The following NINJ2 variants were observed in gnomAD, a reference collection of about 807,000 sequenced individuals.
The protein encoded by NINJ2 is ninjurin-2.
NINJ2 carries 12 observed loss-of-function variants against 11.7 expected under a neutral mutation model. The ratio of observed to expected loss-of-function variants is 1.02; its 90% confidence interval spans 0.66 to 1.66. The LOEUF is 1.66. Ranked by LOEUF, NINJ2 falls within the 40% of genes most tolerant of loss-of-function variation. The pLI, the probability that NINJ2 is intolerant of heterozygous loss-of-function variation, is 0.00. For synonymous variants in NINJ2, 93 were observed against 76.8 expected (o/e 1.21, Z -1.10); for missense variants, 187 against 181.8 (o/e 1.03, Z -0.16).
intron 1 of NINJ2, among the ~76,000 whole-genome samples, chr12:611,203 T>G (rs1341125917): frequency 1.3e-5 from 2 of 151,958 alleles, no homozygotes; most frequent in African/African-American, 4.8e-5. Flanking sequence ...TTCTTTCTTT[T>G]TCTTTCCCTC....
At chr12:571,340 G>T (rs1235716235) in intron 1 of NINJ2, among the ~76,000 whole-genome samples, 1 of 152,232 alleles carries the variant, frequency 6.6e-6, no homozygotes, top group African/African-American at 2.4e-5. Context: ...TTGATGATTG[G>T]CATGGGATGA....
At chr12:630,526 C>G (rs1948267137) in intron 1 of NINJ2, among the ~76,000 whole-genome samples, 1 of 152,096 alleles carries the variant, frequency 6.6e-6, no homozygotes, top group African/African-American at 2.4e-5. Context: ...AGGCTCCGGC[C>G]ACCACGCCTG....
At chr12:649,175 T>A (rs966425422) in intron 1 of NINJ2, among the ~76,000 whole-genome samples, 1 of 151,724 alleles carries the variant, frequency 6.6e-6, no homozygotes, top group Non-Finnish European at 1.5e-5. Context: ...GCCTCCAGAG[T>A]AGCTGGGATT....
At chr12:656,050 G>A (rs1401698751) in intron 1 of NINJ2, among the ~76,000 whole-genome samples, 1 of 152,180 alleles carries the variant, frequency 6.6e-6, no homozygotes, top group African/African-American at 2.4e-5. Flanking sequence ...CAAACTAATT[G>A]TATAGTTAGT....
intron 1 of NINJ2, among the ~76,000 whole-genome samples, chr12:569,332 AAG>A (rs1394286506): frequency 6.6e-6 from 1 of 152,166 alleles, no homozygotes; most frequent in African/African-American, 2.4e-5. Context: ...CCATTTGGTG[AAG>A]GTTTGTCCTC....
intron 1 of NINJ2, among the ~76,000 whole-genome samples, chr12:574,329 A>T (rs1027418761): frequency 1.7e-4 from 26 of 152,198 alleles, no homozygotes; most frequent in African/African-American, 2.4e-4. Context: ...ATCTCAAAAA[A>T]AATAATAATA....
chr12:642,103 C>T (rs990222899), intron 1 of NINJ2, among the ~76,000 whole-genome samples: 3 of 152,240 alleles, frequency 2.0e-5, no homozygotes, highest in Non-Finnish European at 2.9e-5. Context: ...TAGCTGTGAC[C>T]TTGAGCACAT....
intron 1 of NINJ2, among the ~76,000 whole-genome samples, chr12:572,575 T>G (rs1329403696): frequency 6.6e-6 from 1 of 152,126 alleles, no homozygotes; most frequent in African/African-American, 2.4e-5. Context: ...TTGGGAAGGG[T>G]GCCTGGGCCT....
chr12:566,502 T>G (rs1947303020), intron 1 of NINJ2, among the ~76,000 whole-genome samples: 1 of 152,202 alleles, frequency 6.6e-6, no homozygotes, highest in African/African-American at 2.4e-5. Context: ...CCCTATTCAC[T>G]ATTTTACCTG....
chr12:604,649 C>T (rs1043010007), intron 1 of NINJ2, among the ~76,000 whole-genome samples: 1 of 151,862 alleles, frequency 6.6e-6, no homozygotes, highest in African/African-American at 2.4e-5. Context: ...ACAACAACAA[C>T]AATAGCAAAA....
intron 1 of NINJ2, among the ~76,000 whole-genome samples, chr12:570,202 C>CCT (rs1383703691): frequency 6.6e-6 from 1 of 152,184 alleles, no homozygotes; most frequent in African/African-American, 2.4e-5. Flanking sequence ...AACCTGCAGC[C>CCT]GAGGGGACGG....
chr12:606,999 G>T (rs545848962), intron 1 of NINJ2, among the ~76,000 whole-genome samples: 1 of 152,164 alleles, frequency 6.6e-6, no homozygotes, highest in Non-Finnish European at 1.5e-5. Flanking sequence ...CCGGAGGCCC[G>T]GCTGCAATCC....
chr12:599,549 T>G (rs1251393207), intron 1 of NINJ2, among the ~76,000 whole-genome samples: 1 of 152,124 alleles, frequency 6.6e-6, no homozygotes, highest in Admixed American at 6.5e-5. Flanking sequence ...CAACATGATC[T>G]CTGCAACATC....
chr12:643,436 C>A, intron 1 of NINJ2: 1 of 988,120 alleles, frequency 1.0e-6, no homozygotes, highest in South Asian at 4.7e-5. Flanking sequence ...CGCCGCGACG[C>A]GGCTCACAAA....
intron 1 of NINJ2, chr12:644,724 TTTAAA>T (rs752872695): frequency 1.3e-5 from 2 of 152,344 alleles, no homozygotes; most frequent in South Asian, 2.1e-4. Context: ...AAAGTGAACT[TTTAAA>T]TTAATAATTC....
At chr12:577,990 G>A (rs1172263516) in intron 1 of NINJ2, among the ~76,000 whole-genome samples, 2 of 152,134 alleles carry the variant, frequency 1.3e-5, no homozygotes, top group Admixed American at 1.3e-4. Context: ...AAAACTAAAA[G>A]GCAGAAATGA....
At chr12:610,565 T>A in intron 1 of NINJ2, 1 of 1,458,738 alleles carries the variant, frequency 6.9e-7, no homozygotes, top group Non-Finnish European at 9.0e-7. Context: ...GCTTCACTGG[T>A]GGGTTAGCTG....
chr12:592,866 G>C (rs907082986), intron 1 of NINJ2, among the ~76,000 whole-genome samples: 2 of 152,080 alleles, frequency 1.3e-5, no homozygotes, highest in African/African-American at 4.8e-5. Flanking sequence ...GTTATGAAAA[G>C]ACAATAAAAC....
At chr12:605,950 G>T (rs935529747) in intron 1 of NINJ2, among the ~76,000 whole-genome samples, 3 of 151,928 alleles carry the variant, frequency 2.0e-5, no homozygotes, top group Non-Finnish European at 4.4e-5. Flanking sequence ...GGGAGCAGAA[G>T]AAAAGTGCAA....
Sources: gnomAD v4.1 joint callset for allele counts (sites outside exome capture counted in the v4.1 genomes callset) on GRCh38, gnomAD v4.1.1 for gene constraint, MANE v1.5 for transcripts, NCBI Gene and HGNC (gene_info 2026-07-23, HGNC 2026-07-21) for gene names.